CNTRL: variants seen among roughly 807,000 people sequenced by gnomAD.
CNTRL encodes the protein centriolin, also known as 110 kDa centrosomal protein.
CNTRL carries 233 observed loss-of-function variants against 303.7 expected under a neutral mutation model. The ratio of observed to expected loss-of-function variants is 0.77; its 90% CI spans 0.69 to 0.86. CNTRL has a LOEUF of 0.86. Among genes scored for constraint, CNTRL ranks in the 40% least tolerant of loss-of-function variants. The probability of loss-of-function intolerance (pLI) is 0.00; values close to 1 mark genes in which losing one functional copy is unlikely to be tolerated. For missense variants in CNTRL, 2,524 were observed against 2,650.6 expected, an observed-to-expected ratio of 0.95 and a Z score of 1.05; for synonymous variants, 900 against 922.2, an observed-to-expected ratio of 0.98 and a Z score of 0.44.
At chr9:121,123,131 T>C (rs1262173475) in intron 12 of CNTRL, among the ~76,000 whole-genome samples, 1 of 152,010 alleles carries the variant, frequency 6.6e-6, no homozygotes, top group Non-Finnish European at 1.5e-5. Flanking sequence ...CTATAAAAGT[T>C]TTTTAAATAT....
chr9:121,161,395 A>AT (rs1313872112), intron 32 of CNTRL: 1 of 384,304 alleles, frequency 2.6e-6, no homozygotes, highest in Non-Finnish European at 4.8e-6. Context: ...ATTTCAAAGT[A>AT]TTTTTAATTT....
rs369416576 is a variant in CNTRL at position 121,098,340 on chromosome 9, G to A, written c.622-46G>A. 6 of 1,361,232 alleles carry A rather than the reference G, an allele frequency of 4.4e-6. No homozygotes were observed. The African/African-American group carries it at 8.7e-5, about 20-fold the overall frequency. The allele number at this position is 1,361,232 out of a possible 1,614,324, so 84.3% of individuals were successfully genotyped here. On this transcript the variant is annotated intron_variant, in intron 6 of 43. Transcript: ENST00000373855. ...TTGTAACTTCCTTTAAGTATGTTAT[G>A]ATTTTTAAATTAAATTATACCAATA... is the stretch of plus-strand genomic sequence containing the variant.
rs570975107 is a variant in CNTRL, at chr9:121,128,829, G to A, written c.2025+2893G>A. On this transcript the variant is annotated intron_variant, in intron 14 of 43. Transcript: ENST00000373855. ...GAATTAATTTTTGTATAAGGTGTAA[G>A]GAAGAGATCCAGTTTCAGCTTTCTA... Among the ~76,000 whole-genome samples, 59 of 152,308 alleles carry A rather than the reference G, an allele frequency of 3.9e-4. No individual in the cohort carries two copies. The East Asian group carries it at 0.011, about 29-fold the overall frequency.
chr9:121,113,964 C>T (rs1441976812), intron 10 of CNTRL, among the ~76,000 whole-genome samples: 1 of 152,076 alleles, frequency 6.6e-6, no homozygotes, highest in East Asian at 1.9e-4. Flanking sequence ...CCAGGGGATT[C>T]AAGAATGAGT....
chr9:121,136,554 A>G (rs1197832001), intron 15 of CNTRL, among the ~76,000 whole-genome samples: 2 of 151,784 alleles, frequency 1.3e-5, no homozygotes, highest in Non-Finnish European at 2.9e-5. Context: ...CAGGCGATCC[A>G]CCCACCTCAG....
intron 42 of CNTRL, among the ~76,000 whole-genome samples, chr9:121,174,455 A>C (rs540022736): frequency 4.6e-5 from 7 of 152,370 alleles, no homozygotes; most frequent in African/African-American, 1.7e-4. Context: ...CTTAATAGCC[A>C]CATGTGTCTA....
At position 121,113,515 on chromosome 9, in the gene CNTRL, A is replaced by G. The variant is rs570908079; in HGVS notation, c.1136A>G (p.Asp379Gly). ...NYYPSEYAEIDKAPDESPYIG... is the reference protein window; with the variant it reads ...NYYPSEYAEIGKAPDESPYIG... ...TTTTGCTTTTAGTATGCTGAAATTG[A>G]TAAAGCCCCAGATGAAAGCCCTTAC... The change falls in exon 10 of 44, where the codon GAT becomes GGT. Residue 379 changes from aspartate (D) to glycine (G), a missense_variant. Physicochemically the swap from Asp to Gly is moderately conservative, Grantham distance 94. Coordinates refer to ENST00000373855, the MANE Select transcript of CNTRL (RefSeq NM_007018.6). The G allele has an allele frequency of 1.3e-4, 199 of 1,574,616 alleles. 3 individuals are homozygous for G. In the South Asian group the frequency reaches 2.3e-3, roughly 18 times the overall value.
intron 12 of CNTRL, chr9:121,121,959 A>AT (rs1164103537): frequency 4.1e-6 from 4 of 982,202 alleles, no homozygotes; most frequent in Non-Finnish European, 3.6e-6. Context: ...AAGGTATGAT[A>AT]TTTTTTCTCT....
At position 121,176,252 on chromosome 9, in the gene CNTRL, G is replaced by A. The variant is rs143076627; in HGVS notation, c.6955-911G>A. ...AGCAAAGGACAACAGCAGGACTTGCGGGCTAATCTATCTTTACCACAGAGC... is the reference window on the plus strand; with the variant it reads ...AGCAAAGGACAACAGCAGGACTTGCAGGCTAATCTATCTTTACCACAGAGC... On this transcript the variant is annotated intron_variant, in intron 43 of 43. Coordinates refer to ENST00000373855, the MANE Select transcript of CNTRL (RefSeq NM_007018.6). Among the ~76,000 whole-genome samples the A allele has an allele frequency of 1.6e-3, 243 of 152,270 alleles. 1 individual carries two copies. The highest frequency in any genetic ancestry group is 9.9e-3 in the South Asian group (48 of 4,826).
rs901290979 is a variant in CNTRL, at chr9:121,134,874, A to G, written c.2026-932A>G. 7.2e-5 allele frequency among the ~76,000 whole-genome samples: 11 copies of G among 152,260 alleles called. No homozygotes were observed. In the South Asian group the frequency reaches 1.0e-3, roughly 14 times the overall value. Reference sequence around the variant, plus strand: ...TCCTCTTGAGTGAATTCCCTATTCTATTTTTTGTTGAACTGTCTCTGCCTT... The same window carrying G: ...TCCTCTTGAGTGAATTCCCTATTCTGTTTTTTGTTGAACTGTCTCTGCCTT... On this transcript the variant is annotated intron_variant, in intron 14 of 43. Transcript: ENST00000373855.
At chr9:121,118,904 T>C (rs981283106) in intron 12 of CNTRL, among the ~76,000 whole-genome samples, 2 of 152,192 alleles carry the variant, frequency 1.3e-5, no homozygotes, top group Non-Finnish European at 2.9e-5. Context: ...AGGATGTCCA[T>C]AGGTTAAATA....
At position 121,094,970 on chromosome 9, in the gene CNTRL, A is replaced by G; in HGVS notation, c.431A>G (p.Asp144Gly). 1.9e-6 allele frequency: 3 copies of G among 1,607,974 alleles called. No individual in the cohort carries two copies. The highest frequency in any genetic ancestry group is 2.5e-6 in the Non-Finnish European group (3 of 1,176,538). ...YNLIGKIEKL[D>G]KLLKLRELNL... ...CTAATAGGGAAGATTGAAAAGTTGG[A>G]CAAGCTGTTAAAATTACGTGAACTC... The change falls in exon 5 of 44, where the codon GAC becomes GGC. Residue 144 changes from aspartate to glycine, a missense_variant. Physicochemically the swap from Asp to Gly is moderately conservative, Grantham distance 94 (BLOSUM62 -1). Transcript: ENST00000373855.
rs755032018 is a variant in CNTRL at position 121,143,926 on chromosome 9, T to G, written c.2895T>G (p.Ser965=). 3 of 1,597,844 alleles carry G rather than the reference T, an allele frequency of 1.9e-6. No homozygotes were observed. The change falls in exon 20 of 44, where the codon TCT becomes TCG. Residue 965 remains serine, a synonymous_variant. Coordinates refer to ENST00000373855, the MANE Select transcript of CNTRL (RefSeq NM_007018.6). The part of the protein sequence containing the change: ...EKKKKLEDAK[S]QEQVFGLDKE... Reference sequence around the variant, plus strand: ...AGAAGAAACTTGAAGATGCCAAATCTCAGGAGCAAGTTTTTGGTTTAGATA... The same window carrying G: ...AGAAGAAACTTGAAGATGCCAAATCGCAGGAGCAAGTTTTTGGTTTAGATA...
chr9:121,174,043 G>A (rs2131943716), intron 42 of CNTRL, among the ~76,000 whole-genome samples: 1 of 152,230 alleles, frequency 6.6e-6, no homozygotes, highest in Non-Finnish European at 1.5e-5. Flanking sequence ...GTGATGAACT[G>A]TAAGGTTATC....
chr9:121,149,101 A>G (rs966766196), intron 24 of CNTRL, among the ~76,000 whole-genome samples: 4 of 152,198 alleles, frequency 2.6e-5, no homozygotes, highest in African/African-American at 4.8e-5. Context: ...GTCCTCAAAC[A>G]ATGCTCCTAA....
Position 121,173,371 on chromosome 9 carries a change from A to G in CNTRL, c.6546A>G (p.Leu2182=). The part of the protein sequence containing the change: ...LKNLNQFLPE[L]PADLEAILER... ...ATCTTAATCAGTTTCTTCCAGAACT[A>G]CCAGCAGATCTAGAAGCTATTTTGG... The change falls in exon 41 of 44, where the codon CTA becomes CTG. Residue 2182 remains leucine, a synonymous_variant. Coordinates refer to ENST00000373855, the MANE Select transcript of CNTRL (RefSeq NM_007018.6). 10 of 1,614,226 alleles carry G rather than the reference A, an allele frequency of 6.2e-6. No individual in the cohort carries two copies. Among genetic ancestry groups the G allele is most frequent in the Non-Finnish European group, 8.5e-6 (10 of 1,180,044 alleles).
intron 7 of CNTRL, among the ~76,000 whole-genome samples, chr9:121,100,798 C>G (rs893237598): frequency 1.3e-5 from 2 of 151,928 alleles, no homozygotes; most frequent in African/African-American, 4.8e-5. Context: ...CAACAAAGAT[C>G]AAAAGAGACA....
At chr9:121,158,235 A>G in intron 30 of CNTRL, 126 bp downstream of exon 30, 1 of 1,183,092 alleles carries the variant, frequency 8.5e-7, no homozygotes, top group Admixed American at 2.8e-5. Flanking sequence ...ATGAAGTCTG[A>G]ACTAAATTTG....
intron 41 of CNTRL, 61 bp downstream of exon 41, chr9:121,173,570 TA>T: frequency 6.2e-7 from 1 of 1,610,154 alleles, no homozygotes; most frequent in South Asian, 1.1e-5. Context: ...CCAGCTAAGC[TA>T]AAACACAGAT....
Sources: gnomAD v4.1 joint callset for allele counts (sites outside exome capture counted in the v4.1 genomes callset) on GRCh38, gnomAD v4.1.1 for gene constraint, MANE v1.5 for transcripts, NCBI Gene and HGNC (gene_info 2026-07-23, HGNC 2026-07-21) for gene names.